KCNK9: variants seen among roughly 807,000 people sequenced by gnomAD.
The protein encoded by KCNK9 is potassium two pore domain channel subfamily K member 9.
Under a neutral mutation model 10.8 loss-of-function variants are expected in KCNK9, and 1 was observed. The observed-to-expected ratio is 0.09, with a 90% CI of 0.03 to 0.44. The LOEUF (loss-of-function observed/expected upper bound fraction) is 0.44. Among genes scored for constraint, KCNK9 ranks in the 20% least tolerant of loss-of-function variants. The pLI is 0.97. For missense variants in KCNK9, 303 were observed against 515.0 expected (o/e 0.59, Z 3.98); for synonymous variants, 231 against 222.7 (o/e 1.04, Z -0.33).
At chr8:139,664,139 C>T (rs1273845578) in intron 1 of KCNK9, among the ~76,000 whole-genome samples, 4 of 152,188 alleles carry the variant, frequency 2.6e-5, no homozygotes, top group Admixed American at 6.5e-5. Context: ...ACAGACTGAC[C>T]GGGAGGGGCA....
chr8:139,677,232 G>A (rs779145760), intron 1 of KCNK9, among the ~76,000 whole-genome samples: 18 of 152,214 alleles, frequency 1.2e-4, no homozygotes, highest in Middle Eastern at 3.4e-3. Context: ...TGCCTGTGCT[G>A]GGTGTTAGAT....
At chr8:139,700,435 C>T (rs1296625299) in intron 1 of KCNK9, among the ~76,000 whole-genome samples, 2 of 151,968 alleles carry the variant, frequency 1.3e-5, no homozygotes, top group Non-Finnish European at 2.9e-5. Flanking sequence ...CATCTTTCCA[C>T]AACAGGACAG....
chr8:139,700,823 T>C (rs1037995906), intron 1 of KCNK9, among the ~76,000 whole-genome samples: 2 of 152,060 alleles, frequency 1.3e-5, no homozygotes, highest in African/African-American at 4.8e-5. Context: ...ACTTCATCAG[T>C]CTCCACAATG....
At chr8:139,620,564 A>G (rs1455018346) in intron 1 of KCNK9, among the ~76,000 whole-genome samples, 3 of 151,390 alleles carry the variant, frequency 2.0e-5, no homozygotes, top group African/African-American at 4.9e-5. Flanking sequence ...ACACTTCTCC[A>G]TCAGGGCTTC....
chr8:139,657,443 C>T (rs1816048867), intron 1 of KCNK9, among the ~76,000 whole-genome samples: 2 of 152,128 alleles, frequency 1.3e-5, no homozygotes, highest in African/African-American at 4.8e-5. Flanking sequence ...AGAGCAGGAG[C>T]CGGGGAGGAC....
chr8:139,675,621 A>G (rs1009623292), intron 1 of KCNK9, among the ~76,000 whole-genome samples: 1 of 152,168 alleles, frequency 6.6e-6, no homozygotes, highest in African/African-American at 2.4e-5. Context: ...ATGAGAAATC[A>G]AATGCTGTTG....
At chr8:139,689,907 C>A (rs1437984436) in intron 1 of KCNK9, among the ~76,000 whole-genome samples, 1 of 152,168 alleles carries the variant, frequency 6.6e-6, no homozygotes, top group Non-Finnish European at 1.5e-5. Context: ...TCCCAAAGTG[C>A]TGGGATTACA....
At chr8:139,622,607 T>C (rs1045180260) in intron 1 of KCNK9, among the ~76,000 whole-genome samples, 3 of 152,160 alleles carry the variant, frequency 2.0e-5, no homozygotes, top group Non-Finnish European at 2.9e-5. Context: ...ATACCCCTCA[T>C]TGCTTCCCCC....
intron 1 of KCNK9, among the ~76,000 whole-genome samples, chr8:139,656,623 T>A (rs966578415): frequency 1.3e-5 from 2 of 152,214 alleles, no homozygotes; most frequent in East Asian, 1.9e-4. Context: ...AAATGACTGA[T>A]GATTTTCTTC....
rs1816620416 is a variant in KCNK9, at chr8:139,678,854, A to T, written c.283+23856T>A. Among the ~76,000 whole-genome samples the T allele has an allele frequency of 2.0e-5, 3 of 152,218 alleles. No individual in the cohort carries two copies. In the South Asian group the frequency reaches 6.2e-4, roughly 31 times the overall value. The stretch of plus-strand genomic sequence containing the variant: ...TAAATGGCCTCTCTCCCCAGGTTTT[A>T]AACGGGTAAGAAAAATGCAACCTTC... On this transcript the variant is annotated intron_variant, in intron 1 of 1. Transcript: ENST00000520439.
intron 1 of KCNK9, among the ~76,000 whole-genome samples, chr8:139,630,243 T>G (rs1815120934): frequency 1.3e-5 from 2 of 152,174 alleles, no homozygotes; most frequent in South Asian, 4.1e-4. Flanking sequence ...AGCATTATTT[T>G]TAATGCTTCT....
In KCNK9 at chr8:139,618,158, C is replaced by T; in HGVS notation, c.*100G>A. 3 of 1,448,972 alleles carry T rather than the reference C, an allele frequency of 2.1e-6. No individual in the cohort carries two copies. The highest frequency in any genetic ancestry group is 2.9e-6 in the Non-Finnish European group (3 of 1,048,516). The allele number at this position is 1,448,972 out of a possible 1,614,324, so 89.8% of individuals were successfully genotyped here. ...GAAGGAGAGAAAGTAATAATGATGACAATAATAATAATAAATAAATAAGAA... is the reference window on the plus strand; with the variant it reads ...GAAGGAGAGAAAGTAATAATGATGATAATAATAATAATAAATAAATAAGAA... On this transcript the variant is annotated 3_prime_UTR_variant, in exon 2 of 2. Transcript: ENST00000520439. The surrounding 1 kb of genome is among the most constrained non-coding windows in gnomAD (Gnocchi z 7.9).
chr8:139,688,500 G>C (rs572433202), intron 1 of KCNK9, among the ~76,000 whole-genome samples: 141 of 152,302 alleles, frequency 9.3e-4, no homozygotes, highest in African/African-American at 3.2e-3. Context: ...ACTATCACAA[G>C]AACAGCATGG....
chr8:139,630,070 C>T (rs1361397535), intron 1 of KCNK9, among the ~76,000 whole-genome samples: 1 of 145,560 alleles, frequency 6.9e-6, no homozygotes, highest in Non-Finnish European at 1.5e-5. Flanking sequence ...GGGGAGCGGG[C>T]GTGGGGGGCG....
chr8:139,673,586 TAGG>T (rs1816485590), intron 1 of KCNK9, among the ~76,000 whole-genome samples: 2 of 152,180 alleles, frequency 1.3e-5, no homozygotes, highest in South Asian at 4.1e-4. Flanking sequence ...ACAGCAGGGT[TAGG>T]AGAGCTTCAA....
intron 1 of KCNK9, among the ~76,000 whole-genome samples, chr8:139,621,448 A>G (rs1385700327): frequency 2.0e-5 from 3 of 152,184 alleles, no homozygotes; most frequent in African/African-American, 7.2e-5. Flanking sequence ...AGAGAGAAAT[A>G]ATATACCACA....
At chr8:139,630,714 T>C (rs575275367) in intron 1 of KCNK9, among the ~76,000 whole-genome samples, 2 of 152,242 alleles carry the variant, frequency 1.3e-5, no homozygotes, top group Admixed American at 1.3e-4. Context: ...GGCCTTCTCC[T>C]ATGAAAGGGC....
chr8:139,631,277 A>T (rs959219400), intron 1 of KCNK9, among the ~76,000 whole-genome samples: 7 of 152,266 alleles, frequency 4.6e-5, no homozygotes, highest in Non-Finnish European at 8.8e-5. Flanking sequence ...AACGACTACC[A>T]GATACTGTGG....
intron 2 of KCNK9, among the ~76,000 whole-genome samples, chr8:139,603,151 C>A (rs1817409219): frequency 6.6e-6 from 1 of 152,156 alleles, no homozygotes; most frequent in Non-Finnish European, 1.5e-5. Flanking sequence ...TTTTAAGTGA[C>A]CATTATTTCC....
Sources: allele counts gnomAD v4.1 joint callset (sites outside exome capture counted in the v4.1 genomes callset), GRCh38; gene constraint gnomAD v4.1.1; non-coding constraint Gnocchi (gnomAD v3.1); transcripts MANE v1.5; gene names NCBI Gene and HGNC (gene_info 2026-07-23, HGNC 2026-07-21).